Variants in KIF13B observed in about 807,000 individuals in gnomAD.
KIF13B encodes kinesin-like protein KIF13B.
Under a neutral mutation model 222.0 loss-of-function variants are expected in KIF13B, and 127 were observed. The observed-to-expected ratio is 0.57, with a 90% CI of 0.50 to 0.66. The LOEUF (loss-of-function observed/expected upper bound fraction) is 0.66. Ranked by LOEUF, KIF13B falls within the 30% of genes least tolerant of loss-of-function variation. The pLI is 0.00. For missense variants in KIF13B, 2,173 were observed against 2,379.0 expected, an observed-to-expected ratio of 0.91 and a Z score of 1.80; for synonymous variants, 976 against 919.0, an observed-to-expected ratio of 1.06 and a Z score of -1.12.
At chr8:29,257,636 A>G (rs1434978997) in intron 1 of KIF13B, among the ~76,000 whole-genome samples, 2 of 152,168 alleles carry the variant, frequency 1.3e-5, no homozygotes, top group African/African-American at 4.8e-5. Flanking sequence ...GTGAGACCCT[A>G]TCTCTACAAA....
intron 3 of KIF13B, 96 bp from the exon 4 acceptor site, chr8:29,191,153 C>T: frequency 1.1e-6 from 1 of 872,950 alleles, no homozygotes; most frequent in Non-Finnish European, 1.8e-6. Context: ...AATAAAACAA[C>T]TTACTGTCAT....
intron 35 of KIF13B, among the ~76,000 whole-genome samples, chr8:29,107,648 C>T (rs1809143675): frequency 6.6e-6 from 1 of 151,690 alleles, no homozygotes; most frequent in South Asian, 2.1e-4. Flanking sequence ...CAGGCTCCGC[C>T]CCCCGGGGTT....
rs765127583 is a variant in KIF13B, at chr8:29,186,393, T to C, written c.396A>G (p.Glu132=). 2.0e-5 allele frequency: 33 copies of C among 1,613,876 alleles called. No individual in the cohort carries two copies. The Admixed American group carries it at 5.0e-4, about 24-fold the overall frequency. ...LIPRLCSGLF[E]RTQKEENEEQ... ...CTTCATTTTCCTCTTTCTGAGTTCG[T>C]TCAAAGAGTCCACTGCAAAGTCTTG... Residue 132 remains glutamate, a synonymous_variant, in exon 6 of 40, where the codon GAA becomes GAG. Coordinates refer to ENST00000524189, the MANE Select transcript of KIF13B (RefSeq NM_015254.4).
At chr8:29,116,154 C>T (rs920947159) in intron 31 of KIF13B, among the ~76,000 whole-genome samples, 9 of 152,228 alleles carry the variant, frequency 5.9e-5, no homozygotes, top group African/African-American at 1.7e-4. Context: ...GCCTCAGCCT[C>T]CTGAGTTACT....
chr8:29,224,676 A>G (rs1461624459), intron 2 of KIF13B, among the ~76,000 whole-genome samples: 1 of 146,610 alleles, frequency 6.8e-6, no homozygotes, highest in Non-Finnish European at 1.5e-5. Flanking sequence ...CCCCCCATTC[A>G]TTCTATCCAC....
intron 35 of KIF13B, among the ~76,000 whole-genome samples, chr8:29,105,098 C>T (rs1047904625): frequency 2.6e-5 from 4 of 152,024 alleles, no homozygotes; most frequent in Non-Finnish European, 5.9e-5. Flanking sequence ...CCTCGAATAG[C>T]TGGGATTACA....
At position 29,195,924 on chromosome 8, in the gene KIF13B, C is replaced by T. The variant is rs1210776751; in HGVS notation, c.162+263G>A. Among the ~76,000 whole-genome samples, 3 of 152,316 alleles carry T rather than the reference C, an allele frequency of 2.0e-5. No individual in the cohort carries two copies. In the East Asian group the frequency reaches 5.8e-4, roughly 29 times the overall value. ...CAGTTTGGAACTACCAGTCTTGAGC[C>T]AATCTATGGCACAAAAGGAATCTGT... On this transcript the variant is annotated intron_variant, in intron 3 of 39. Coordinates refer to ENST00000524189, the MANE Select transcript of KIF13B (RefSeq NM_015254.4).
At chr8:29,175,201 T>C (rs1812424269) in intron 10 of KIF13B, among the ~76,000 whole-genome samples, 2 of 152,198 alleles carry the variant, frequency 1.3e-5, no homozygotes, top group Admixed American at 6.5e-5. Context: ...CTGCAACTTA[T>C]ACCCTCTAAT....
At chr8:29,244,235 G>A (rs190194185) in intron 2 of KIF13B, among the ~76,000 whole-genome samples, 2 of 152,116 alleles carry the variant, frequency 1.3e-5, no homozygotes, top group East Asian at 1.9e-4. Context: ...GGATGGTCTC[G>A]ATCTCCTGAC....
At chr8:29,229,355 C>G (rs1463742752) in intron 2 of KIF13B, among the ~76,000 whole-genome samples, 2 of 152,184 alleles carry the variant, frequency 1.3e-5, no homozygotes, top group African/African-American at 4.8e-5. Context: ...TGTTCTGCCA[C>G]TTTCTGATCA....
intron 2 of KIF13B, among the ~76,000 whole-genome samples, chr8:29,228,495 T>C (rs1815142846): frequency 1.1e-5 from 1 of 86,984 alleles, no homozygotes; most frequent in Non-Finnish European, 2.9e-5. Flanking sequence ...ATATATGAGA[T>C]ACAGGTTCCT....
intron 36 of KIF13B, among the ~76,000 whole-genome samples, 181 bp downstream of exon 36, chr8:29,098,952 A>G (rs1342795481): frequency 5.3e-5 from 8 of 152,228 alleles, no homozygotes. Flanking sequence ...ATATCAGAGC[A>G]ATGCAAGATC....
At chr8:29,219,938 C>G (rs939029636) in intron 2 of KIF13B, among the ~76,000 whole-genome samples, 2 of 151,930 alleles carry the variant, frequency 1.3e-5, no homozygotes, top group African/African-American at 4.8e-5. Flanking sequence ...GTGGTGCATG[C>G]CTATGATCCC....
At chr8:29,152,129 G>C (rs906665464) in intron 14 of KIF13B, among the ~76,000 whole-genome samples, 4 of 152,166 alleles carry the variant, frequency 2.6e-5, no homozygotes, top group Non-Finnish European at 5.9e-5. Context: ...TGAATAAGAA[G>C]TGGAGACTGA....
intron 35 of KIF13B, among the ~76,000 whole-genome samples, chr8:29,102,251 TCTC>T (rs1033473569): frequency 7.3e-4 from 111 of 151,546 alleles, no homozygotes; most frequent in African/African-American, 2.4e-3. Context: ...CTGTTTTACT[TCTC>T]CTCCAGTAAT....
chr8:29,137,116 G>A (rs569780970), intron 21 of KIF13B, among the ~76,000 whole-genome samples: 2 of 152,058 alleles, frequency 1.3e-5, no homozygotes, highest in Non-Finnish European at 2.9e-5. Context: ...CAGGTATTGA[G>A]TAGATACATG....
chr8:29,167,365 C>CTGTGCTTTGGTCAGCT lies in KIF13B; in HGVS notation c.1158+7_1158+8insAGCTGACCAAAGCACA, dbSNP rs758007915. Reference sequence around the variant, plus strand: ...GACTCACAGGGCGCACGCGGTGGTGCCTCCTACCTCTGCTTTGGTCAGCTG... The same window carrying CTGTGCTTTGGTCAGCT: ...GACTCACAGGGCGCACGCGGTGGTGCTGTGCTTTGGTCAGCTCTCCTACCTCTGCTTTGGTCAGCTG... On this transcript the variant is annotated splice_region_variant and intron_variant, in intron 11 of 39. Transcript: ENST00000524189. 1 of 1,609,572 alleles carries CTGTGCTTTGGTCAGCT rather than the reference C, an allele frequency of 6.2e-7. No homozygotes were observed. Among genetic ancestry groups the CTGTGCTTTGGTCAGCT allele is most frequent in the East Asian group, 2.2e-5 (1 of 44,836 alleles).
At chr8:29,140,296 A>G in intron 20 of KIF13B, 105 bp from the exon 21 acceptor site, 2 of 1,495,658 alleles carry the variant, frequency 1.3e-6, no homozygotes, top group Admixed American at 4.2e-5. Flanking sequence ...TTAATGGTGT[A>G]TGGGAATTTA....
chr8:29,250,128 T>A, intron 1 of KIF13B: 1 of 1,022,076 alleles, frequency 9.8e-7, no homozygotes, highest in Middle Eastern at 2.4e-4. Context: ...GGAAATCTAC[T>A]GTGACTCACC....
Sources: gnomAD v4.1 joint callset for allele counts (sites outside exome capture counted in the v4.1 genomes callset) on GRCh38, gnomAD v4.1.1 for gene constraint, MANE v1.5 for transcripts, NCBI Gene and HGNC (gene_info 2026-07-23, HGNC 2026-07-21) for gene names.